The following RAB44 variants were observed in gnomAD, a reference collection of about 807,000 sequenced individuals.
RAB44 encodes the protein RAB44, member RAS oncogene family.
A neutral mutation model predicts 93.3 loss-of-function variants in RAB44; 67 were observed. The ratio of observed to expected loss-of-function variants is 0.72; its 90% CI spans 0.59 to 0.88. The LOEUF (loss-of-function observed/expected upper bound fraction) is 0.88. Ranked by LOEUF, RAB44 falls within the 40% of genes least tolerant of loss-of-function variation. RAB44 has a pLI of 0.00. For missense variants in RAB44, 1,064 were observed against 1,261.7 expected, an observed-to-expected ratio of 0.84 and a Z score of 2.37; for synonymous variants, 427 against 520.3, an observed-to-expected ratio of 0.82 and a Z score of 2.44.
At chr6:36,728,597 G>GA in intron 11 of RAB44, 103 bp from the exon 12 acceptor site, 1 of 848,700 alleles carries the variant, frequency 1.2e-6, no homozygotes, top group Non-Finnish European at 1.9e-6. Flanking sequence ...TGTGGCCTGG[G>GA]AGGGGGAACA....
intron 2 of RAB44, among the ~76,000 whole-genome samples, chr6:36,705,372 G>A (rs935941303): frequency 6.8e-6 from 1 of 146,158 alleles, no homozygotes; most frequent in African/African-American, 2.7e-5. Context: ...CAAGTTCCAA[G>A]TTTCAGATTT....
At chr6:36,714,058 C>A (rs762522846) in intron 3 of RAB44, 119 bp downstream of exon 3, 1 of 673,168 alleles carries the variant, frequency 1.5e-6, no homozygotes, top group African/African-American at 1.8e-5. Flanking sequence ...CACCCCCCAT[C>A]CCCGGCTGCC....
chr6:36,720,113 T>A (rs1309587407), intron 7 of RAB44, among the ~76,000 whole-genome samples: 1 of 152,164 alleles, frequency 6.6e-6, no homozygotes, highest in Admixed American at 6.5e-5. Context: ...TTTGTGGCGC[T>A]GGTGGTTTTT....
intron 2 of RAB44, among the ~76,000 whole-genome samples, chr6:36,709,617 G>T (rs1057400233): frequency 6.6e-6 from 1 of 152,106 alleles, no homozygotes; most frequent in African/African-American, 2.4e-5. Flanking sequence ...GTGCAGTGGC[G>T]CAATCTCAGC....
intron 6 of RAB44, 50 bp downstream of exon 6, chr6:36,718,168 TGCTGGCTAA>T: frequency 8.5e-7 from 1 of 1,180,198 alleles, no homozygotes; most frequent in African/African-American, 1.6e-5. Context: ...GGGACACCTC[TGCTGGCTAA>T]GGAATGGGGC....
At position 36,718,077 on chromosome 6, in the gene RAB44, G is replaced by C. The variant is rs1028846628; in HGVS notation, c.691G>C (p.Glu231Gln). 1 of 1,232,192 alleles carries C rather than the reference G, an allele frequency of 8.1e-7. No individual in the cohort carries two copies. The highest frequency in any genetic ancestry group is 1.6e-5 in the African/African-American group (1 of 64,414). 76.3% of individuals were successfully genotyped at this position (1,232,192 alleles called of 1,614,324 possible). Residue 231 changes from glutamate to glutamine, a missense_variant, in exon 6 of 14, where the codon GAG (glutamate) becomes CAG (glutamine). Glu to Gln is a conservative substitution (Grantham distance 29). Coordinates refer to ENST00000612677, the MANE Select transcript of RAB44 (RefSeq NM_001257357.2). ...REVQQLYEEM[E>Q]QQIRQEKQQL... is the part of the protein sequence containing the mutation. ...GGTCCAGCAGCTCTATGAGGAGATGGAGCAGCAGATCCGCCAGGAGAAGCA... is the reference window on the plus strand; with the variant it reads ...GGTCCAGCAGCTCTATGAGGAGATGCAGCAGCAGATCCGCCAGGAGAAGCA...
chr6:36,724,611 A>G (rs1763186280), intron 9 of RAB44, among the ~76,000 whole-genome samples: 2 of 152,258 alleles, frequency 1.3e-5, no homozygotes, highest in South Asian at 4.2e-4. Context: ...AAATTCAATC[A>G]AGAAAAACAC....
chr6:36,722,831 C>T, intron 9 of RAB44, 98 bp downstream of exon 9: 1 of 1,421,138 alleles, frequency 7.0e-7, no homozygotes, highest in Non-Finnish European at 9.5e-7. Flanking sequence ...CCTGAGGAAG[C>T]TGCAGGTTCT....
At chr6:36,709,505 G>A (rs1238126816) in intron 2 of RAB44, among the ~76,000 whole-genome samples, 8 of 152,064 alleles carry the variant, frequency 5.3e-5, no homozygotes, top group Non-Finnish European at 4.4e-5. Flanking sequence ...TTTGTCTGTC[G>A]CTATAGCTCC....
Position 36,730,768 on chromosome 6 carries a change from C to T in RAB44, c.2975+19C>T, listed in dbSNP as rs1763344551. 5 of 1,157,386 alleles carry T rather than the reference C, an allele frequency of 4.3e-6. No individual in the cohort carries two copies. The Admixed American group carries it at 1.4e-4, about 33-fold the overall frequency. 71.7% of individuals were successfully genotyped at this position (1,157,386 alleles called of 1,614,324 possible). A position where few individuals can be genotyped will look rare whatever the true frequency, so the allele number is the denominator to read the frequency against. On this transcript the variant is annotated intron_variant, in intron 13 of 13. Transcript: ENST00000612677. ...TGGCCAGGTAAGTGCTGCCCGCCCC[C>T]CGCCGCCCCCACCCCCCCCCTTGCA...
chr6:36,729,443 T>A (rs1447367267), intron 12 of RAB44, among the ~76,000 whole-genome samples: 1 of 152,098 alleles, frequency 6.6e-6, no homozygotes, highest in Non-Finnish European at 1.5e-5. Flanking sequence ...GAGGTCATCA[T>A]TGTGGCTCCT....
chr6:36,709,141 G>A (rs1275272229), intron 2 of RAB44, among the ~76,000 whole-genome samples: 8 of 151,734 alleles, frequency 5.3e-5, no homozygotes, highest in East Asian at 1.9e-4. Flanking sequence ...TAGTAGAGAC[G>A]GGTTTCACTA....
Position 36,725,891 on chromosome 6 carries a change from G to A in RAB44, c.2629G>A (p.Val877Met), listed in dbSNP as rs1255551608. The change falls in exon 10 of 14, where the codon GTG becomes ATG. Residue 877 changes from valine to methionine, a missense_variant. Physicochemically the swap from Val to Met is conservative, Grantham distance 21. Transcript: ENST00000612677. ...GVDFRVKTLL[V>M]DNKCFVLQLW... ...AGATTTTCGGGTCAAAACCTTGCTG[G>A]TGGACAACAAGTGCTTTGTGCTGCA... 4 of 1,550,662 alleles carry A rather than the reference G, an allele frequency of 2.6e-6. No homozygotes were observed. Among genetic ancestry groups the A allele is most frequent in the South Asian group, 1.2e-5 (1 of 84,066 alleles).
chr6:36,727,180 G>A (rs1763256797), intron 10 of RAB44, among the ~76,000 whole-genome samples: 1 of 152,166 alleles, frequency 6.6e-6, no homozygotes, highest in Admixed American at 6.5e-5. Context: ...TGAGTATGAT[G>A]AATGTTTTAC....
chr6:36,727,445 T>G, intron 10 of RAB44, 132 bp from the exon 11 acceptor site: 1 of 638,732 alleles, frequency 1.6e-6, no homozygotes. Flanking sequence ...AACTACACTG[T>G]ACGAAGAAAA....
At chr6:36,726,007 G>T in intron 10 of RAB44, 64 bp downstream of exon 10, 1 of 1,294,500 alleles carries the variant, frequency 7.7e-7, no homozygotes, top group South Asian at 1.3e-5. Context: ...CAGAGGGACA[G>T]GGAGCAGCCC....
At chr6:36,728,448 G>C (rs1763287100) in intron 11 of RAB44, among the ~76,000 whole-genome samples, 2 of 152,196 alleles carry the variant, frequency 1.3e-5, no homozygotes, top group South Asian at 4.1e-4. Context: ...GGCAGGAAGA[G>C]AGGACATGGG....
chr6:36,727,858 A>G (rs1240294003), intron 11 of RAB44, among the ~76,000 whole-genome samples, 167 bp downstream of exon 11: 2 of 152,228 alleles, frequency 1.3e-5, no homozygotes, highest in Admixed American at 1.3e-4. Context: ...GCAGTAGTAC[A>G]AAGAAACCAC....
intron 1 of RAB44, among the ~76,000 whole-genome samples, chr6:36,699,831 A>G (rs1312358570): frequency 6.6e-6 from 1 of 152,218 alleles, no homozygotes; most frequent in African/African-American, 2.4e-5. Flanking sequence ...ACCTTTATCA[A>G]TATCATCACC....
Sources: allele counts gnomAD v4.1 joint callset (sites outside exome capture counted in the v4.1 genomes callset), GRCh38; gene constraint gnomAD v4.1.1; transcripts MANE v1.5; gene names NCBI Gene and HGNC (gene_info 2026-07-23, HGNC 2026-07-21).